Variants in CSMD1 observed in about 807,000 individuals in gnomAD.
CSMD1 encodes the protein CUB and sushi domain-containing protein 1.
A neutral mutation model predicts 417.5 loss-of-function variants in CSMD1; 213 were observed. The observed-to-expected ratio is 0.51, with a 90% CI of 0.46 to 0.57. The LOEUF is 0.57. Among genes scored for constraint, CSMD1 ranks in the 20% least tolerant of loss-of-function variants. The pLI is 0.00. For synonymous variants in CSMD1, 2,862 were observed against 1,736.8 expected (o/e 1.65, Z -16.11); for missense variants, 6,923 against 4,529.7 (o/e 1.53, Z -15.17).
At chr8:4,191,292 A>C (rs1799015343) in intron 3 of CSMD1, among the ~76,000 whole-genome samples, 1 of 152,110 alleles carries the variant, frequency 6.6e-6, no homozygotes, top group African/African-American at 2.4e-5. Context: ...GCTACTCGGG[A>C]GGCTGAGGCA....
intron 2 of CSMD1, among the ~76,000 whole-genome samples, chr8:4,599,926 C>A (rs554177721): frequency 6.6e-6 from 1 of 152,062 alleles, no homozygotes; most frequent in Non-Finnish European, 1.5e-5. Flanking sequence ...TAAGCTGAAC[C>A]CAGGTATGCA....
At chr8:3,466,577 A>ATTTTTTTTTT (rs35761429) in intron 12 of CSMD1, among the ~76,000 whole-genome samples, 34 of 113,594 alleles carry the variant, frequency 3.0e-4, no homozygotes, top group African/African-American at 9.8e-4. Flanking sequence ...CAATCAGCTA[A>ATTTTTTTTTT]TTTTTTTTTT....
chr8:4,378,144 A>G lies in CSMD1; in HGVS notation c.415+41809T>C, dbSNP rs113467745. Among the ~76,000 whole-genome samples, 161 of 152,354 alleles carry G rather than the reference A, an allele frequency of 1.1e-3. 1 individual carries two copies. The highest frequency in any genetic ancestry group is 3.7e-3 in the African/African-American group (153 of 41,582). On this transcript the variant is annotated intron_variant, in intron 3 of 69. Transcript: ENST00000635120. ...GGTGGCATGGAGTGTACATGCTTCA[A>G]TATTTCCATTATTCACTTATACTCT... is the stretch of plus-strand genomic sequence containing the variant.
rs79828641 is a variant in CSMD1, at chr8:3,198,111, G to A, written c.5194+1603C>T. On this transcript the variant is annotated intron_variant, in intron 33 of 69. Coordinates refer to ENST00000635120, the MANE Select transcript of CSMD1 (RefSeq NM_033225.6). ...GTATCTTTGACATTTTGATGAAAAC[G>A]TATTACTTTAAATAAGCATAATTTT... Among the ~76,000 whole-genome samples the A allele has an allele frequency of 3.8e-3, 585 of 152,184 alleles. 4 individuals carry two copies. Among genetic ancestry groups the A allele is most frequent in the African/African-American group, 0.014 (565 of 41,532 alleles).
intron 17 of CSMD1, among the ~76,000 whole-genome samples, chr8:3,391,277 T>C (rs1811330557): frequency 6.6e-6 from 1 of 152,188 alleles, no homozygotes; most frequent in Admixed American, 6.5e-5. Flanking sequence ...CACAGTAGAG[T>C]ATGTACATTT....
intron 2 of CSMD1, among the ~76,000 whole-genome samples, chr8:4,453,288 C>A (rs753158012): frequency 6.6e-6 from 1 of 151,936 alleles, no homozygotes; most frequent in African/African-American, 2.4e-5. Context: ...CATGAATTTA[C>A]ACTCCCACTG....
chr8:3,384,291 T>C (rs1810831180), intron 18 of CSMD1, among the ~76,000 whole-genome samples: 1 of 152,148 alleles, frequency 6.6e-6, no homozygotes, highest in Non-Finnish European at 1.5e-5. Context: ...AATGTGTAAC[T>C]TATTTCATGT....
intron 2 of CSMD1, among the ~76,000 whole-genome samples, chr8:4,428,960 T>G (rs1298854563): frequency 1.3e-5 from 2 of 152,064 alleles, no homozygotes; most frequent in Non-Finnish European, 2.9e-5. Flanking sequence ...GTGATCCACC[T>G]GCCTCATCCT....
Position 3,151,527 on chromosome 8 carries a change from A to C in CSMD1, c.5915-14T>G. 1 of 1,545,918 alleles carries C rather than the reference A, an allele frequency of 6.5e-7. No individual in the cohort carries two copies. On this transcript the variant is annotated splice_polypyrimidine_tract_variant and intron_variant, in intron 39 of 69. Coordinates refer to ENST00000635120, the MANE Select transcript of CSMD1 (RefSeq NM_033225.6). ...CTCCACAGGTTGCTGTTAAGTGGAC[A>C]AGATGTCAGTCCTGCAGGTCCTCAC...
At chr8:4,832,598 A>C (rs1020631774) in intron 1 of CSMD1, among the ~76,000 whole-genome samples, 1 of 152,210 alleles carries the variant, frequency 6.6e-6, no homozygotes, top group Admixed American at 6.5e-5. Flanking sequence ...AATTATTACT[A>C]GCTGACACTT....
At chr8:3,257,002 T>A (rs531635936) in intron 26 of CSMD1, among the ~76,000 whole-genome samples, 1 of 152,318 alleles carries the variant, frequency 6.6e-6, no homozygotes, top group East Asian at 1.9e-4. Flanking sequence ...TTCATTACTA[T>A]TCATTCATTT....
At chr8:4,056,782 G>T (rs6987046) in intron 3 of CSMD1, among the ~76,000 whole-genome samples, 1 of 151,788 alleles carries the variant, frequency 6.6e-6, no homozygotes, top group Non-Finnish European at 1.5e-5. Flanking sequence ...GAGAACATGC[G>T]GTGTTTCGTT....
At chr8:3,869,675 G>C (rs989689629) in intron 5 of CSMD1, among the ~76,000 whole-genome samples, 2 of 152,078 alleles carry the variant, frequency 1.3e-5, no homozygotes, top group African/African-American at 4.8e-5. Context: ...CAGGAGGAAA[G>C]GTGCACAGGT....
intron 2 of CSMD1, among the ~76,000 whole-genome samples, chr8:4,453,356 C>T (rs1038076621): frequency 6.6e-6 from 1 of 152,148 alleles, no homozygotes; most frequent in African/African-American, 2.4e-5. Context: ...CCCCAGTCTG[C>T]TGGGATTGGG....
At chr8:4,739,132 A>G (rs144255746) in intron 1 of CSMD1, among the ~76,000 whole-genome samples, 28 of 152,330 alleles carry the variant, frequency 1.8e-4, no homozygotes, top group Admixed American at 1.8e-3. Flanking sequence ...ATGTGAACAT[A>G]CACACACGCA....
At chr8:4,484,692 GGGCAC>G (rs1177876978) in intron 2 of CSMD1, among the ~76,000 whole-genome samples, 1 of 152,002 alleles carries the variant, frequency 6.6e-6, no homozygotes, top group Admixed American at 6.6e-5. Context: ...AAAAGTCACC[GGGCAC>G]GATGGCTCAC....
In CSMD1 at chr8:4,883,734, C is replaced by T. The variant is rs528584002; in HGVS notation, c.85+110598G>A. Among the ~76,000 whole-genome samples, 9 of 152,074 alleles carry T rather than the reference C, an allele frequency of 5.9e-5. No homozygotes were observed. The East Asian group carries it at 1.4e-3, about 23-fold the overall frequency. ...GTGTATTTATTCTTTGGTTGATGGG[C>T]ATTTGTTATTTTTTCACATTTTGGT... On this transcript the variant is annotated intron_variant, in intron 1 of 69. Coordinates refer to ENST00000635120, the MANE Select transcript of CSMD1 (RefSeq NM_033225.6).
At chr8:3,541,230 G>C (rs1475530294) in intron 10 of CSMD1, among the ~76,000 whole-genome samples, 1 of 152,186 alleles carries the variant, frequency 6.6e-6, no homozygotes, top group Non-Finnish European at 1.5e-5. Context: ...TGCTTTGCAG[G>C]AACATGGATG....
chr8:4,016,740 C>A (rs1329155407), intron 4 of CSMD1, among the ~76,000 whole-genome samples: 2 of 152,178 alleles, frequency 1.3e-5, no homozygotes, highest in African/African-American at 4.8e-5. Flanking sequence ...CCAAACCACC[C>A]TCTTGGGTTA....
Sources: gnomAD v4.1 joint callset for allele counts (sites outside exome capture counted in the v4.1 genomes callset) on GRCh38, gnomAD v4.1.1 for gene constraint, MANE v1.5 for transcripts, NCBI Gene and HGNC (gene_info 2026-07-23, HGNC 2026-07-21) for gene names.